Variants in SOS2 observed in about 807,000 individuals in gnomAD.
The protein encoded by SOS2 is SOS Ras/Rho guanine nucleotide exchange factor 2, also known as son of sevenless homolog 2.
In SOS2, 65 loss-of-function variants were observed where a neutral mutation model predicts 148.2. The ratio of observed to expected loss-of-function variants is 0.44; its 90% confidence interval spans 0.36 to 0.54. The LOEUF (loss-of-function observed/expected upper bound fraction) is 0.54. Ranked by LOEUF, SOS2 falls within the 20% of genes least tolerant of loss-of-function variation. The pLI is 0.00. For missense variants in SOS2, 1,341 were observed against 1,590.2 expected, an observed-to-expected ratio of 0.84 and a Z score of 2.67; for synonymous variants, 539 against 537.1, an observed-to-expected ratio of 1.00 and a Z score of -0.05.
intron 16 of SOS2, among the ~76,000 whole-genome samples, chr14:50,141,957 C>CT (rs1884305761): frequency 6.6e-6 from 1 of 151,670 alleles, no homozygotes; most frequent in Non-Finnish European, 1.5e-5. Flanking sequence ...AACAAAAGGC[C>CT]TACAGATATA....
intron 13 of SOS2, among the ~76,000 whole-genome samples, chr14:50,152,067 C>T (rs983699877): frequency 6.6e-6 from 1 of 152,094 alleles, no homozygotes; most frequent in Non-Finnish European, 1.5e-5. Flanking sequence ...AATTTCAAGG[C>T]ACACATAAAA....
chr14:50,212,339 T>C (rs892542843), intron 1 of SOS2, among the ~76,000 whole-genome samples: 4 of 152,168 alleles, frequency 2.6e-5, no homozygotes, highest in Non-Finnish European at 5.9e-5. Flanking sequence ...CTGGTCATGG[T>C]GGTGCACACC....
At chr14:50,186,920 T>C (rs1885931649) in intron 5 of SOS2, among the ~76,000 whole-genome samples, 1 of 152,256 alleles carries the variant, frequency 6.6e-6, no homozygotes, top group Admixed American at 6.5e-5. Context: ...CTTTAAATAC[T>C]CAACCACCTG....
At chr14:50,213,899 AAAAAAAGAG>A (rs1408762316) in intron 1 of SOS2, among the ~76,000 whole-genome samples, 1 of 151,938 alleles carries the variant, frequency 6.6e-6, no homozygotes, top group Admixed American at 6.6e-5. Context: ...AGAAAAAAAA[AAAAAAAGAG>A]AAAAAAGAGA....
At chr14:50,225,871 C>T (rs1292277466) in intron 1 of SOS2, among the ~76,000 whole-genome samples, 1 of 152,192 alleles carries the variant, frequency 6.6e-6, no homozygotes, top group Non-Finnish European at 1.5e-5. Context: ...AGTGTACCTA[C>T]AGTCTACCAT....
At chr14:50,130,072 T>C (rs1233639427) in intron 20 of SOS2, 70 bp from the exon 21 acceptor site, 2 of 970,408 alleles carry the variant, frequency 2.1e-6, no homozygotes, top group Non-Finnish European at 3.2e-6. Flanking sequence ...AATGTTTCCA[T>C]AAATAATACG....
chr14:50,161,339 A>G, intron 9 of SOS2, 143 bp downstream of exon 9: 1 of 655,502 alleles, frequency 1.5e-6, no homozygotes, highest in Non-Finnish European at 2.5e-6. Flanking sequence ...AGAGTAAAAG[A>G]CCAACATAAA....
In SOS2 at chr14:50,207,787, T is replaced by C. The variant is rs1389744261; in HGVS notation, c.88-3378A>G. 2.5e-4 allele frequency among the ~76,000 whole-genome samples: 37 copies of C among 150,852 alleles called. 1 individual carries two copies. The highest frequency in any genetic ancestry group is 5.9e-5 in the Non-Finnish European group (4 of 67,828). On this transcript the variant is annotated intron_variant, in intron 1 of 22. Coordinates refer to ENST00000216373, the MANE Select transcript of SOS2 (RefSeq NM_006939.4). ...TAGGTGTGGTGGCACAGGCTTGTAATCTTAGCTACTTGGGTGGCTAAGGCA... is the reference window on the plus strand; with the variant it reads ...TAGGTGTGGTGGCACAGGCTTGTAACCTTAGCTACTTGGGTGGCTAAGGCA...
Position 50,231,346 on chromosome 14 carries a change from G to T in SOS2, c.-63C>A. 1.3e-6 allele frequency: 1 copy of T among 792,262 alleles called. No individual in the cohort carries two copies. Among genetic ancestry groups the T allele is most frequent in the Non-Finnish European group, 1.6e-6 (1 of 615,110 alleles). The allele number at this position is 792,262 out of a possible 1,614,324, so 49.1% of individuals were successfully genotyped here. On this transcript the variant is annotated 5_prime_UTR_variant, in exon 1 of 23. Coordinates refer to ENST00000216373, the MANE Select transcript of SOS2 (RefSeq NM_006939.4). ...GCGGGCCGGGCCGGTGGCCTGACAG[G>T]CAGGGCGCGGGCCGCCTCGCCTCGC...
At chr14:50,209,802 G>A (rs555986355) in intron 1 of SOS2, among the ~76,000 whole-genome samples, 11 of 151,776 alleles carry the variant, frequency 7.2e-5, no homozygotes, top group East Asian at 1.9e-4. Flanking sequence ...TTAAAATACC[G>A]TGTACCTTGA....
At chr14:50,152,609 G>C (rs111863633) in intron 13 of SOS2, among the ~76,000 whole-genome samples, 5 of 152,236 alleles carry the variant, frequency 3.3e-5, no homozygotes, top group African/African-American at 1.2e-4. Context: ...ACATATGTGA[G>C]TTTCTTGCTG....
intron 8 of SOS2, among the ~76,000 whole-genome samples, chr14:50,168,033 T>C (rs1472525166): frequency 6.6e-6 from 1 of 152,212 alleles, no homozygotes; most frequent in African/African-American, 2.4e-5. Flanking sequence ...CTCATTGAAG[T>C]TATTACTAAG....
chr14:50,161,457 C>G, intron 9 of SOS2, 25 bp downstream of exon 9: 1 of 1,599,222 alleles, frequency 6.3e-7, no homozygotes, highest in Non-Finnish European at 8.5e-7. Context: ...CAGAGGCATT[C>G]ACGTTTTCAA....
chr14:50,167,600 G>T (rs1225560520), intron 8 of SOS2, among the ~76,000 whole-genome samples: 1 of 151,926 alleles, frequency 6.6e-6, no homozygotes, highest in Non-Finnish European at 1.5e-5. Flanking sequence ...CAGGCGCAAT[G>T]ACTCACACCT....
intron 14 of SOS2, among the ~76,000 whole-genome samples, chr14:50,147,425 T>C (rs1053620841): frequency 6.7e-6 from 1 of 148,558 alleles, no homozygotes; most frequent in Admixed American, 6.8e-5. Flanking sequence ...GGCAGGAGGA[T>C]TGCTTGAGCC....
chr14:50,199,660 A>T, intron 4 of SOS2, 31 bp downstream of exon 4: 1 of 1,374,718 alleles, frequency 7.3e-7, no homozygotes, highest in East Asian at 2.5e-5. Flanking sequence ...GTTGCTATTC[A>T]AGTTAAATTT....
At chr14:50,201,235 C>G in intron 2 of SOS2, 151 bp from the exon 3 acceptor site, 1 of 783,488 alleles carries the variant, frequency 1.3e-6, no homozygotes, top group Non-Finnish European at 1.9e-6. Flanking sequence ...AATTTTTTGG[C>G]TTAAAAAAAA....
intron 21 of SOS2, among the ~76,000 whole-genome samples, chr14:50,124,961 C>T (rs566965137): frequency 2.0e-5 from 3 of 152,164 alleles, no homozygotes; most frequent in African/African-American, 7.2e-5. Context: ...ATTTTACTAC[C>T]ATTCAAAATA....
intron 14 of SOS2, among the ~76,000 whole-genome samples, chr14:50,147,557 T>C (rs571718770): frequency 3.3e-5 from 5 of 151,156 alleles, no homozygotes; most frequent in African/African-American, 1.2e-4. Flanking sequence ...TGCTATACGT[T>C]GTTTATGAAT....
Sources: allele counts gnomAD v4.1 joint callset (sites outside exome capture counted in the v4.1 genomes callset), GRCh38; gene constraint gnomAD v4.1.1; transcripts MANE v1.5; gene names NCBI Gene and HGNC (gene_info 2026-07-23, HGNC 2026-07-21).